The following CRIM1 variants were observed in gnomAD, a reference collection of about 807,000 sequenced individuals.
CRIM1 encodes the protein cysteine-rich motor neuron 1 protein.
A neutral mutation model predicts 116.4 loss-of-function variants in CRIM1; 32 were observed. The observed-to-expected ratio is 0.27, with a 90% CI of 0.21 to 0.37. The LOEUF is 0.37. Among genes scored for constraint, CRIM1 ranks in the 10% least tolerant of loss-of-function variants. CRIM1 has a pLI of 1.00. For synonymous variants in CRIM1, 590 were observed against 509.2 expected, an observed-to-expected ratio of 1.16 and a Z score of -2.13; for missense variants, 1,331 against 1,354.8, an observed-to-expected ratio of 0.98 and a Z score of 0.28.
chr2:36,356,121 G>C lies in CRIM1; in HGVS notation c.-172G>C, dbSNP rs1668774996. The C allele has an allele frequency of 6.2e-6, 1 of 160,660 alleles. No individual in the cohort carries two copies. Among genetic ancestry groups the C allele is most frequent in the African/African-American group, 2.4e-5 (1 of 41,372 alleles). 10.0% of individuals were successfully genotyped at this position (160,660 alleles called of 1,614,324 possible). On this transcript the variant is annotated 5_prime_UTR_variant, in exon 1 of 17. Transcript: ENST00000280527. The surrounding 1 kb of genome is among the most constrained non-coding windows in gnomAD (Gnocchi z 4.3). The stretch of plus-strand genomic sequence containing the variant: ...CTCGGGGTCGGCGCGGCCCGCAGAA[G>C]GGGCGGGGGCCTCGCCCCGCGAGGG...
chr2:36,548,779 ACTTG>A lies in CRIM1; in HGVS notation c.*82_*85del. On this transcript the variant is annotated 3_prime_UTR_variant, in exon 17 of 17. Coordinates refer to ENST00000280527, the MANE Select transcript of CRIM1 (RefSeq NM_016441.3). ...CTAAAAAGTAAACTAGAATTTGTGC[ACTTG>A]CTTAGTGGATTGTATTGGATTGTGA... The A allele has an allele frequency of 8.0e-7, 1 of 1,247,048 alleles. No homozygotes were observed. The highest frequency in any genetic ancestry group is 2.4e-5 in the East Asian group (1 of 41,420). 77.2% of individuals were successfully genotyped at this position (1,247,048 alleles called of 1,614,324 possible).
At position 36,550,336 on chromosome 2, in the gene CRIM1, T is replaced by C. The variant is rs921989144; in HGVS notation, c.*1635T>C. ...GTAGTATGCCTCAAATATAACTGAC[T>C]GTATACTATAGTGGTAACTTTTCAA... On this transcript the variant is annotated 3_prime_UTR_variant, in exon 17 of 17. Transcript: ENST00000280527. The C allele has an allele frequency of 6.6e-6, 1 of 152,376 alleles. No individual in the cohort carries two copies. The highest frequency in any genetic ancestry group is 1.5e-5 in the Non-Finnish European group (1 of 67,996). The allele number at this position is 152,376 out of a possible 1,614,324, so 9.4% of individuals were successfully genotyped here.
At position 36,450,356 on chromosome 2, in the gene CRIM1, TTGTG is replaced by T. The variant is rs536241663; in HGVS notation, c.869+7629_869+7632del. Among the ~76,000 whole-genome samples the T allele has an allele frequency of 1.2e-4, 18 of 152,292 alleles. No individual in the cohort carries two copies. The South Asian group carries it at 3.7e-3, about 32-fold the overall frequency. On this transcript the variant is annotated intron_variant, in intron 4 of 16. Coordinates refer to ENST00000280527, the MANE Select transcript of CRIM1 (RefSeq NM_016441.3). The stretch of plus-strand genomic sequence containing the variant: ...CCACATCACTTTCCCTGAGGTCGGA[TTGTG>T]TGTGTGTCTTCTCTGTCTTCAGCTG...
intron 2 of CRIM1, among the ~76,000 whole-genome samples, chr2:36,412,938 G>C (rs1425631865): frequency 2.0e-5 from 3 of 152,090 alleles, no homozygotes; most frequent in Non-Finnish European, 4.4e-5. Context: ...TCTCACATTA[G>C]TTACTATTAT....
chr2:36,468,997 T>C (rs1225784555), intron 5 of CRIM1, among the ~76,000 whole-genome samples: 1 of 152,236 alleles, frequency 6.6e-6, no homozygotes, highest in Non-Finnish European at 1.5e-5. Context: ...TAGTCTATAG[T>C]ATTGTTATTG....
intron 7 of CRIM1, among the ~76,000 whole-genome samples, chr2:36,495,943 A>G (rs577913364): frequency 4.5e-4 from 68 of 152,200 alleles, no homozygotes; most frequent in Non-Finnish European, 8.1e-4. Flanking sequence ...AAATCTAACT[A>G]CTCTGGCTAT....
chr2:36,490,354 G>T (rs541755128), intron 7 of CRIM1, among the ~76,000 whole-genome samples: 1 of 152,134 alleles, frequency 6.6e-6, no homozygotes, highest in East Asian at 1.9e-4. Context: ...TTTTCTGGAA[G>T]CCCAGAGAGG....
chr2:36,404,971 G>A (rs1309569641), intron 2 of CRIM1, among the ~76,000 whole-genome samples: 4 of 151,986 alleles, frequency 2.6e-5, no homozygotes, highest in East Asian at 3.9e-4. Context: ...CACAAGTAAA[G>A]CGTACGTGCT....
At chr2:36,418,413 A>G (rs1231064650) in intron 2 of CRIM1, among the ~76,000 whole-genome samples, 1 of 152,134 alleles carries the variant, frequency 6.6e-6, no homozygotes, top group African/African-American at 2.4e-5. Context: ...CAGCTTCCCA[A>G]GTAGCTGGGA....
At chr2:36,502,168 A>C (rs1207923899) in intron 8 of CRIM1, among the ~76,000 whole-genome samples, 2 of 152,184 alleles carry the variant, frequency 1.3e-5, no homozygotes, top group African/African-American at 4.8e-5. Flanking sequence ...CCACCCGGTC[A>C]TGCTTATCTA....
intron 1 of CRIM1, among the ~76,000 whole-genome samples, chr2:36,377,243 G>C (rs1342964895): frequency 6.6e-6 from 1 of 152,236 alleles, no homozygotes; most frequent in African/African-American, 2.4e-5. Context: ...CTCCTTGGAG[G>C]ATTAGTCACC....
At chr2:36,522,611 G>A (rs1665472639) in intron 13 of CRIM1, among the ~76,000 whole-genome samples, 1 of 151,930 alleles carries the variant, frequency 6.6e-6, no homozygotes, top group African/African-American at 2.4e-5. Context: ...AGACCAGCCT[G>A]GCCAACATGA....
chr2:36,522,103 C>T lies in CRIM1; in HGVS notation c.2218C>T (p.Arg740Trp), dbSNP rs764343849. Residue 740 changes from arginine to tryptophan, a missense_variant, in exon 13 of 17, where the codon CGG becomes TGG. Physicochemically the swap from Arg to Trp is moderately radical, Grantham distance 101 (BLOSUM62 -3). Around this residue, in one of 3 missense-constraint regions of CRIM1, gnomAD observed 358 missense variants for 436.1 expected, o/e 0.82. Coordinates refer to ENST00000280527, the MANE Select transcript of CRIM1 (RefSeq NM_016441.3). ...GTTCATTTTTCCAGATCAACCTTTT[C>T]GGCCTTCCTTGTCCCGCAATAACAG... ...CCPQCTDQPF[R>W]PSLSRNNSVP... The T allele has an allele frequency of 3.3e-5, 53 of 1,613,934 alleles. No homozygotes were observed. Among genetic ancestry groups the T allele is most frequent in the African/African-American group, 1.6e-4 (12 of 74,906 alleles).
At chr2:36,380,595 C>A (rs576986663) in intron 1 of CRIM1, among the ~76,000 whole-genome samples, 3 of 152,240 alleles carry the variant, frequency 2.0e-5, no homozygotes, top group Non-Finnish European at 4.4e-5. Context: ...AAAAGAAGGA[C>A]ATAAAGAAAG....
chr2:36,547,090 C>G lies in CRIM1; in HGVS notation c.2853C>G (p.Leu951=), dbSNP rs747644729. 1.5e-4 allele frequency: 248 copies of G among 1,611,698 alleles called. No individual in the cohort carries two copies. Among genetic ancestry groups the G allele is most frequent in the Non-Finnish European group, 1.9e-4 (229 of 1,178,082 alleles). ...TTGTGGTTCCCATAATTATATGCCT[C>G]TCTATTATAATAGCATTCCTATTCA... The part of the protein sequence containing the change: ...ASVVVPIIIC[L]SIIIAFLFIN... Residue 951 remains leucine, a synonymous_variant, in exon 16 of 17, where the codon CTC becomes CTG. Transcript: ENST00000280527.
intron 11 of CRIM1, among the ~76,000 whole-genome samples, chr2:36,514,279 C>A (rs1034121076): frequency 2.6e-5 from 4 of 152,088 alleles, no homozygotes; most frequent in African/African-American, 4.8e-5. Context: ...GACCACACGT[C>A]CAAAACATTT....
chr2:36,547,902 AGAATTGGAAACAGCCT>A (rs1327398117), intron 16 of CRIM1, among the ~76,000 whole-genome samples: 1 of 152,228 alleles, frequency 6.6e-6, no homozygotes, highest in Non-Finnish European at 1.5e-5. Context: ...ATAAACCTTA[AGAATTGGAAACAGCCT>A]GAACAATTAT....
chr2:36,504,840 T>G (rs1389548543), intron 8 of CRIM1, among the ~76,000 whole-genome samples: 1 of 152,214 alleles, frequency 6.6e-6, no homozygotes, highest in Non-Finnish European at 1.5e-5. Flanking sequence ...AGCATCAGTC[T>G]TTTGGCATCT....
chr2:36,498,668 T>A (rs1680771264), intron 7 of CRIM1, among the ~76,000 whole-genome samples: 1 of 152,118 alleles, frequency 6.6e-6, no homozygotes. Context: ...AAGTGTGTAG[T>A]TATCTGTCGT....
Sources: gnomAD v4.1 joint callset for allele counts (sites outside exome capture counted in the v4.1 genomes callset) on GRCh38, gnomAD v4.1.1 for gene constraint, gnomAD v4.1.1 regional missense constraint, Gnocchi (gnomAD v3.1) non-coding constraint, MANE v1.5 for transcripts, NCBI Gene and HGNC (gene_info 2026-07-23, HGNC 2026-07-21) for gene names.